The following NANS variants were observed in gnomAD, a reference collection of about 807,000 sequenced individuals.
The protein encoded by NANS is N-acetylneuraminate synthase.
A neutral mutation model predicts 33.3 loss-of-function variants in NANS; 29 were observed. The ratio of observed to expected loss-of-function variants is 0.87; its 90% CI spans 0.65 to 1.19. The LOEUF is 1.19. Among genes scored for constraint, NANS ranks in the 50% most tolerant of loss-of-function variants. NANS has a pLI of 0.00. For synonymous variants in NANS, 163 were observed against 177.2 expected (o/e 0.92, Z 0.64); for missense variants, 394 against 461.1 (o/e 0.85, Z 1.33).
At chr9:98,063,473 C>G (rs1380414075) in intron 2 of NANS, among the ~76,000 whole-genome samples, 1 of 152,060 alleles carries the variant, frequency 6.6e-6, no homozygotes, top group African/African-American at 2.4e-5. Flanking sequence ...AACTTTTGAC[C>G]TCAGGTTATC....
intron 2 of NANS, chr9:98,076,433 G>C (rs1260109970): frequency 6.4e-6 from 1 of 156,656 alleles, no homozygotes; most frequent in Admixed American, 6.5e-5. Flanking sequence ...GGAGTGCAGT[G>C]GCATGATCTC....
At chr9:98,062,506 A>C (rs1217202208) in intron 2 of NANS, among the ~76,000 whole-genome samples, 8 of 152,200 alleles carry the variant, frequency 5.3e-5, no homozygotes, top group Non-Finnish European at 1.0e-4. Flanking sequence ...TTAGAAAATG[A>C]GAAAAGGGAA....
intron 2 of NANS, 181 bp from the exon 3 acceptor site, chr9:98,076,737 A>G (rs1304016143): frequency 1.7e-6 from 1 of 581,806 alleles, no homozygotes; most frequent in Non-Finnish European, 3.0e-6. Context: ...GGTGGATGCA[A>G]ATGAATGTTT....
intron 2 of NANS, among the ~76,000 whole-genome samples, chr9:98,070,058 C>T (rs1829268612): frequency 6.6e-6 from 1 of 152,054 alleles, no homozygotes; most frequent in Non-Finnish European, 1.5e-5. Context: ...TACAGTTGCA[C>T]CTGAATCTAC....
At chr9:98,080,175 T>C (rs1829789813) in intron 4 of NANS, among the ~76,000 whole-genome samples, 2 of 152,140 alleles carry the variant, frequency 1.3e-5, no homozygotes, top group Non-Finnish European at 2.9e-5. Flanking sequence ...GATCACGCCA[T>C]TGCACTCCAG....
chr9:98,082,791 A>G, intron 5 of NANS, 55 bp from the exon 6 acceptor site: 1 of 1,536,516 alleles, frequency 6.5e-7, no homozygotes, highest in Non-Finnish European at 8.9e-7. Context: ...AAAGTAAAGT[A>G]GTGTGCACTA....
rs745594354 is a variant in NANS at position 98,080,819 on chromosome 9, T to C, written c.607T>C (p.Tyr203His). 1.9e-6 allele frequency: 3 copies of C among 1,572,184 alleles called. No individual in the cohort carries two copies. Among genetic ancestry groups the C allele is most frequent in the East Asian group, 4.5e-5 (2 of 44,216 alleles). Residue 203 changes from tyrosine to histidine, a missense_variant, in exon 5 of 6, where the codon TAT becomes CAT. Physicochemically the swap from Tyr to His is moderately conservative, Grantham distance 83. Coordinates refer to ENST00000210444, the MANE Select transcript of NANS (RefSeq NM_018946.4). ...TTTTTCTTTTTCCATTTTAAAGGAA[T>C]ATCAGAAGCTCTTTCCTGACATTCC... is the stretch of plus-strand genomic sequence containing the variant. ...EDVNLRVISEYQKLFPDIPIG... is the reference protein window; with the variant it reads ...EDVNLRVISEHQKLFPDIPIG...
At chr9:98,072,302 GT>G (rs1339261676) in intron 2 of NANS, among the ~76,000 whole-genome samples, 2 of 152,200 alleles carry the variant, frequency 1.3e-5, no homozygotes, top group African/African-American at 4.8e-5. Context: ...ACCCTTTGGA[GT>G]TTTTCTGCCT....
At chr9:98,067,268 A>G (rs961411114) in intron 2 of NANS, among the ~76,000 whole-genome samples, 4 of 152,178 alleles carry the variant, frequency 2.6e-5, no homozygotes, top group Non-Finnish European at 4.4e-5. Flanking sequence ...TCGGTATTAC[A>G]TATATGAGTG....
At chr9:98,066,520 A>G (rs1453307271) in intron 2 of NANS, among the ~76,000 whole-genome samples, 3 of 152,186 alleles carry the variant, frequency 2.0e-5, no homozygotes, top group African/African-American at 7.2e-5. Context: ...GTGTTTAGTA[A>G]TATTTACAGA....
chr9:98,080,018 A>T (rs1829781542), intron 4 of NANS, among the ~76,000 whole-genome samples: 1 of 152,198 alleles, frequency 6.6e-6, no homozygotes, highest in Non-Finnish European at 1.5e-5. Context: ...GCTTGAGACC[A>T]GCCTGGCCAA....
At chr9:98,081,390 T>C in intron 5 of NANS, 1 of 330,144 alleles carries the variant, frequency 3.0e-6, no homozygotes, top group South Asian at 4.4e-5. Flanking sequence ...CCAGAATATG[T>C]AACAGGAGTG....
At chr9:98,079,347 T>G (rs1226439618) in intron 4 of NANS, among the ~76,000 whole-genome samples, 1 of 152,136 alleles carries the variant, frequency 6.6e-6, no homozygotes, top group African/African-American at 2.4e-5. Context: ...TCTATCTATC[T>G]ATCCACACAT....
intron 3 of NANS, chr9:98,077,927 T>C (rs113051526): frequency 2.7e-4 from 134 of 495,428 alleles, no homozygotes; most frequent in African/African-American, 2.3e-3. Flanking sequence ...CATTTTCCTC[T>C]TGGCAGTGTG....
chr9:98,076,886 G>T, intron 2 of NANS, 32 bp from the exon 3 acceptor site: 2 of 1,552,708 alleles, frequency 1.3e-6, no homozygotes, highest in South Asian at 2.3e-5. Flanking sequence ...TTGGACAATG[G>T]TGAAAAGGAG....
intron 5 of NANS, among the ~76,000 whole-genome samples, chr9:98,082,399 C>A (rs529661427): frequency 2.3e-4 from 35 of 152,292 alleles, no homozygotes; most frequent in African/African-American, 7.9e-4. Flanking sequence ...GCCTCAGTTT[C>A]CCCATGTTTA....
At chr9:98,066,795 C>A (rs968535237) in intron 2 of NANS, among the ~76,000 whole-genome samples, 1 of 152,070 alleles carries the variant, frequency 6.6e-6, no homozygotes. Context: ...GGATTGCAGT[C>A]ATGCACCACC....
intron 5 of NANS, among the ~76,000 whole-genome samples, chr9:98,082,545 A>T (rs2118061549): frequency 6.6e-6 from 1 of 152,378 alleles, no homozygotes; most frequent in Non-Finnish European, 1.5e-5. Flanking sequence ...CATTTGACAG[A>T]GAAACTAAAA....
chr9:98,081,474 CCT>C (rs1267021690), intron 5 of NANS: 1 of 183,804 alleles, frequency 5.4e-6, no homozygotes, highest in African/African-American at 2.4e-5. Flanking sequence ...CACGGTGTTC[CCT>C]GAGGTACCAG....
Sources: allele counts gnomAD v4.1 joint callset (sites outside exome capture counted in the v4.1 genomes callset), GRCh38; gene constraint gnomAD v4.1.1; transcripts MANE v1.5; gene names NCBI Gene and HGNC (gene_info 2026-07-23, HGNC 2026-07-21).